The following HECW2 variants were observed in gnomAD, a reference collection of about 807,000 sequenced individuals.
HECW2 encodes the protein HECT, C2 and WW domain containing E3 ubiquitin protein ligase 2, also known as E3 ubiquitin-protein ligase HECW2.
HECW2 carries 61 observed loss-of-function variants against 175.2 expected under a neutral mutation model. That is an observed-to-expected ratio of 0.35 (90% CI 0.28 to 0.43). The LOEUF (loss-of-function observed/expected upper bound fraction) is 0.43, where lower values mean the gene tolerates loss of function less well. Among genes scored for constraint, HECW2 ranks in the 20% least tolerant of loss-of-function variants. The probability of loss-of-function intolerance (pLI) is 1.00; values close to 1 mark genes in which losing one functional copy is unlikely to be tolerated. For synonymous variants in HECW2, 671 were observed against 731.0 expected (o/e 0.92, Z 1.32); for missense variants, 1,524 against 2,000.5 (o/e 0.76, Z 4.54).
chr2:196,375,713 T>C (rs550310558), intron 2 of HECW2, among the ~76,000 whole-genome samples: 1 of 152,136 alleles, frequency 6.6e-6, no homozygotes, highest in Non-Finnish European at 1.5e-5. Context: ...GAATCAAACA[T>C]GAGAGGTGGG....
At chr2:196,221,042 C>T in intron 24 of HECW2, 101 bp from the exon 25 acceptor site, 1 of 1,302,968 alleles carries the variant, frequency 7.7e-7, no homozygotes, top group South Asian at 1.3e-5. Flanking sequence ...CCTGTCCCAG[C>T]CCTGCCCTAG....
chr2:196,502,146 T>C (rs1333152795), intron 1 of HECW2, among the ~76,000 whole-genome samples: 2 of 152,202 alleles, frequency 1.3e-5, no homozygotes, highest in East Asian at 3.8e-4. Flanking sequence ...TCAAAAAATA[T>C]AATATTCTCA....
intron 12 of HECW2, 43 bp from the exon 13 acceptor site, chr2:196,306,655 A>G (rs754536445): frequency 5.1e-6 from 8 of 1,560,186 alleles, no homozygotes; most frequent in Non-Finnish European, 6.1e-6. Flanking sequence ...AAATCTTTCT[A>G]TGATGTGAAA....
intron 5 of HECW2, among the ~76,000 whole-genome samples, chr2:196,326,294 A>G (rs12052386): frequency 0.93 from 141,301 of 152,242 alleles, 66,365 homozygotes; most frequent in Non-Finnish European, 0.99. Flanking sequence ...CTTGAAGGAG[A>G]GCTCCCAGGA....
At chr2:196,512,390 G>T (rs1488274334) in intron 1 of HECW2, among the ~76,000 whole-genome samples, 2 of 152,068 alleles carry the variant, frequency 1.3e-5, no homozygotes, top group Non-Finnish European at 2.9e-5. Flanking sequence ...CCCTTCAACT[G>T]ATTTAACTTT....
At chr2:196,508,106 T>C (rs1223395106) in intron 1 of HECW2, among the ~76,000 whole-genome samples, 1 of 152,238 alleles carries the variant, frequency 6.6e-6, no homozygotes, top group Non-Finnish European at 1.5e-5. Context: ...CAAGTATTTT[T>C]ATCCCTCTGC....
intron 19 of HECW2, among the ~76,000 whole-genome samples, chr2:196,252,573 C>T (rs957905303): frequency 6.6e-6 from 1 of 152,160 alleles, no homozygotes; most frequent in African/African-American, 2.4e-5. Flanking sequence ...CCCACTCTCA[C>T]CATGTGACAT....
chr2:196,518,548 G>C (rs765019798), intron 1 of HECW2, among the ~76,000 whole-genome samples: 11 of 151,356 alleles, frequency 7.3e-5, no homozygotes, highest in Admixed American at 7.3e-4. Flanking sequence ...CCAGCTACTC[G>C]GGAGGCGGAG....
chr2:196,236,939 T>C (rs147295937), intron 21 of HECW2, among the ~76,000 whole-genome samples: 21 of 152,378 alleles, frequency 1.4e-4, no homozygotes, highest in African/African-American at 4.3e-4. Flanking sequence ...ATAAAGTCAC[T>C]ATGCACATTC....
chr2:196,322,002 G>GC (rs745967055), intron 7 of HECW2, among the ~76,000 whole-genome samples: 1 of 152,306 alleles, frequency 6.6e-6, no homozygotes, highest in East Asian at 1.9e-4. Flanking sequence ...AATTTTAGTT[G>GC]CTTGAATGAA....
chr2:196,457,915 A>G (rs948500091), intron 1 of HECW2, among the ~76,000 whole-genome samples: 2 of 152,200 alleles, frequency 1.3e-5, no homozygotes, highest in African/African-American at 4.8e-5. Flanking sequence ...ATGGTATTTG[A>G]TCTAAACAAA....
Position 196,511,320 on chromosome 2 carries a change from C to A in HECW2, c.-35-77862G>T, listed in dbSNP as rs577516874. Among the ~76,000 whole-genome samples the A allele has an allele frequency of 2.6e-5, 4 of 152,252 alleles. No homozygotes were observed. In the South Asian group the frequency reaches 8.3e-4, roughly 32 times the overall value. On this transcript the variant is annotated intron_variant, in intron 1 of 28. Coordinates refer to ENST00000644978, the MANE Select transcript of HECW2 (RefSeq NM_001348768.2). The stretch of plus-strand genomic sequence containing the variant: ...TAATTAAATGATGTTATCAAAACAC[C>A]AATCAATATTTCCATTCATTTTCTA...
intron 2 of HECW2, among the ~76,000 whole-genome samples, chr2:196,379,484 A>C (rs371512242): frequency 6.6e-6 from 1 of 152,038 alleles, no homozygotes; most frequent in South Asian, 2.1e-4. Flanking sequence ...AGGAGATCGA[A>C]ACCATCCTGG....
At position 196,334,460 on chromosome 2, in the gene HECW2, C is replaced by T. The variant is rs750904840; in HGVS notation, c.459G>A (p.Thr153=). ...GGTTCTTCACGGTGATGCAGGGGGT[C>T]GTGGCTCGCAGGGCTCCACTAATGC... ...YHGISGALRA[T]TPCITVKNPA... The change falls in exon 4 of 29, where the codon ACG becomes ACA. Residue 153 remains threonine (T), a synonymous_variant. Transcript: ENST00000644978. 3.9e-5 allele frequency: 62 copies of T among 1,609,994 alleles called. No individual in the cohort carries two copies. Among genetic ancestry groups the T allele is most frequent in the Middle Eastern group, 1.7e-4 (1 of 5,938 alleles).
chr2:196,253,777 C>A (rs1688947094), intron 19 of HECW2, 143 bp downstream of exon 19: 1 of 637,822 alleles, frequency 1.6e-6, no homozygotes. Flanking sequence ...TCTTACGAGA[C>A]AGGAAATGCA....
intron 1 of HECW2, among the ~76,000 whole-genome samples, chr2:196,579,771 C>T (rs1690702220): frequency 1.3e-5 from 2 of 152,216 alleles, no homozygotes; most frequent in East Asian, 1.9e-4. Flanking sequence ...AATTCTGACA[C>T]ACAGATAGAC....
At chr2:196,359,927 C>T (rs148898332) in intron 2 of HECW2, among the ~76,000 whole-genome samples, 2 of 152,246 alleles carry the variant, frequency 1.3e-5, no homozygotes, top group Non-Finnish European at 2.9e-5. Flanking sequence ...ACACAGCAAA[C>T]CCTGCCTCTA....
chr2:196,391,003 C>G (rs1262168345), intron 2 of HECW2, among the ~76,000 whole-genome samples: 1 of 152,148 alleles, frequency 6.6e-6, no homozygotes, highest in Non-Finnish European at 1.5e-5. Context: ...ACACTCTGCT[C>G]TCTGCCCTGG....
In HECW2 at chr2:196,433,465, G is replaced by A. The variant is rs1312592299; in HGVS notation, c.-35-7C>T. On this transcript the variant is annotated splice_polypyrimidine_tract_variant and splice_region_variant and intron_variant, in intron 1 of 28. Coordinates refer to ENST00000644978, the MANE Select transcript of HECW2 (RefSeq NM_001348768.2). ...GGATTGGCTGCCTACAAAGCTGCAA[G>A]AGACAGATAAACATAAAACATTAGT... 1.9e-6 allele frequency: 3 copies of A among 1,581,280 alleles called. No individual in the cohort carries two copies. The highest frequency in any genetic ancestry group is 1.2e-5 in the South Asian group (1 of 86,404).
Sources: allele counts gnomAD v4.1 joint callset (sites outside exome capture counted in the v4.1 genomes callset), GRCh38; gene constraint gnomAD v4.1.1; transcripts MANE v1.5; gene names NCBI Gene and HGNC (gene_info 2026-07-23, HGNC 2026-07-21).